The following SRFBP1 variants were observed in gnomAD, a reference collection of about 807,000 sequenced individuals.
SRFBP1 encodes the protein serum response factor-binding protein 1.
In SRFBP1, 47 loss-of-function variants were observed where a neutral mutation model predicts 45.5. That is an observed-to-expected ratio of 1.03 (90% CI 0.82 to 1.32). The LOEUF is 1.32. Ranked by LOEUF, SRFBP1 falls within the 40% of genes most tolerant of loss-of-function variation. SRFBP1 has a pLI of 0.00. For missense variants in SRFBP1, 621 were observed against 484.6 expected (o/e 1.28, Z -2.64); for synonymous variants, 203 against 166.3 (o/e 1.22, Z -1.70).
At position 122,020,482 on chromosome 5, in the gene SRFBP1, C is replaced by T. The variant is rs74336506; in HGVS notation, c.747C>T (p.Gly249=). The T allele has an allele frequency of 1.9e-4, 300 of 1,613,922 alleles. 4 individuals carry two copies. The East Asian group carries it at 4.5e-3, about 24-fold the overall frequency. The change falls in exon 6 of 8, where the codon GGC becomes GGT. Residue 249 remains glycine, a synonymous_variant. Coordinates refer to ENST00000339397, the MANE Select transcript of SRFBP1 (RefSeq NM_152546.3). Reference sequence around the variant, plus strand: ...GCTCACTCTCTGGTAACAGTGATGGCGGAGAAGAATTTTGTGAAGAGGAGA... The same window carrying T: ...GCTCACTCTCTGGTAACAGTGATGGTGGAGAAGAATTTTGTGAAGAGGAGA... ...SDSSLSGNSD[G]GEEFCEEEKE...
chr5:122,027,814 A>T lies in SRFBP1; in HGVS notation c.*688A>T, dbSNP rs138787980. On this transcript the variant is annotated 3_prime_UTR_variant, in exon 8 of 8. Coordinates refer to ENST00000339397, the MANE Select transcript of SRFBP1 (RefSeq NM_152546.3). ...TGATTCTAAAATAGTTGTCTAGGAC[A>T]ATTTTGGGATTCTTAATTATATTTT... The T allele has an allele frequency of 3.9e-4, 59 of 152,310 alleles. 1 individual carries two copies. In the East Asian group the frequency reaches 9.5e-3, roughly 24 times the overall value. 9.4% of individuals were successfully genotyped at this position (152,310 alleles called of 1,614,324 possible).
At chr5:122,052,804 T>C (rs561250379) in intron 2 of SRFBP1, among the ~76,000 whole-genome samples, 89 of 152,334 alleles carry the variant, frequency 5.8e-4, no homozygotes, top group African/African-American at 2.1e-3. Flanking sequence ...GTGCAGTCAT[T>C]TGGAGGAAAG....
intron 3 of SRFBP1, among the ~76,000 whole-genome samples, chr5:121,988,381 GA>G (rs1174759912): frequency 6.6e-6 from 1 of 152,150 alleles, no homozygotes; most frequent in Non-Finnish European, 1.5e-5. Flanking sequence ...CAGGACTCAT[GA>G]AAGGCTGTTA....
intron 3 of SRFBP1, among the ~76,000 whole-genome samples, chr5:121,981,198 C>T (rs142043879): frequency 6.6e-6 from 1 of 151,850 alleles, no homozygotes; most frequent in African/African-American, 2.4e-5. Flanking sequence ...GGCCTCAAGA[C>T]ACACTAAAAT....
chr5:122,041,400 CT>C (rs572324581), intron 2 of SRFBP1, among the ~76,000 whole-genome samples: 2 of 150,738 alleles, frequency 1.3e-5, no homozygotes, highest in South Asian at 2.1e-4. Flanking sequence ...CTGTGATATG[CT>C]TTTTTTTTAA....
chr5:122,075,657 T>TCA, downstream of SRFBP1: 1 of 664,624 alleles, frequency 1.5e-6, no homozygotes. Context: ...AACTAGACTA[T>TCA]CAGTTCCAAG....
intron 2 of SRFBP1, chr5:122,063,735 A>G (rs1392895635): frequency 6.6e-6 from 1 of 151,980 alleles, no homozygotes; most frequent in Non-Finnish European, 1.5e-5. Context: ...TCTCCTTACC[A>G]GGAATTCAGT....
At chr5:122,077,700 C>G, downstream of SRFBP1, 2 of 1,594,808 alleles carry the variant, frequency 1.3e-6, no homozygotes, top group Non-Finnish European at 1.7e-6. The surrounding 1 kb of genome is among the most constrained non-coding windows in gnomAD (Gnocchi z 4.9). Context: ...GTGCGGTTGT[C>G]GCGGATCAGC....
intron 2 of SRFBP1, among the ~76,000 whole-genome samples, chr5:122,045,547 A>G (rs554160732): frequency 6.6e-6 from 1 of 152,196 alleles, no homozygotes; most frequent in Admixed American, 6.5e-5. Context: ...ATGTTTTATA[A>G]TTCTCATTGT....
chr5:122,049,522 A>G (rs1253044515), intron 2 of SRFBP1, among the ~76,000 whole-genome samples: 1 of 151,836 alleles, frequency 6.6e-6, no homozygotes, highest in Admixed American at 6.6e-5. Context: ...TGCACTAAGC[A>G]GACCTAATAG....
intron 4 of SRFBP1, among the ~76,000 whole-genome samples, chr5:122,018,008 G>A (rs10478546): frequency 0.018 from 2,802 of 152,322 alleles, 62 homozygotes; most frequent in Middle Eastern, 0.054. Flanking sequence ...CTGCCATGCA[G>A]TGGTAAGTGA....
downstream of SRFBP1, chr5:122,077,987 A>T: frequency 1.4e-6 from 2 of 1,452,836 alleles, no homozygotes; most frequent in Non-Finnish European, 9.0e-7. The surrounding 1 kb of genome is among the most constrained non-coding windows in gnomAD (Gnocchi z 4.9). Context: ...GAAGCGCATC[A>T]CTCCTTTTGC....
intron 2 of SRFBP1, among the ~76,000 whole-genome samples, chr5:122,042,804 C>T (rs1253207080): frequency 6.6e-6 from 1 of 152,046 alleles, no homozygotes; most frequent in African/African-American, 2.4e-5. Flanking sequence ...GATTTTCCTT[C>T]TCTGCTATTT....
chr5:121,962,098 T>C (rs1202246658), intron 1 of SRFBP1, 30 bp downstream of exon 1: 3 of 1,613,596 alleles, frequency 1.9e-6, no homozygotes, highest in Non-Finnish European at 2.5e-6. Context: ...TGGGGCTGAC[T>C]TTAAGGGTCC....
At chr5:122,077,425 G>A (rs747936462), downstream of SRFBP1, 2 of 1,614,114 alleles carry the variant, frequency 1.2e-6, no homozygotes, top group South Asian at 1.1e-5. This position sits in a 1 kb window ranked among gnomAD's most constrained non-coding sequence, Gnocchi z 4.9. Context: ...CATAAGTATC[G>A]TAGTAGTTGT....
intron 2 of SRFBP1, among the ~76,000 whole-genome samples, chr5:122,046,441 T>A (rs1330095456): frequency 6.6e-6 from 1 of 152,236 alleles, no homozygotes. Flanking sequence ...TAATCCAGTC[T>A]ATCATTGTTG....
intron 4 of SRFBP1, among the ~76,000 whole-genome samples, chr5:121,995,443 A>G (rs1752703008): frequency 6.6e-6 from 1 of 152,212 alleles, no homozygotes. Flanking sequence ...GAAGGCAGAA[A>G]TAAAGATGTT....
chr5:122,008,364 C>T (rs1753019304), intron 4 of SRFBP1, among the ~76,000 whole-genome samples: 1 of 152,038 alleles, frequency 6.6e-6, no homozygotes, highest in South Asian at 2.1e-4. Flanking sequence ...GGTTACCAGC[C>T]TGGAGTCGGG....
chr5:122,031,510 A>C (rs1753587952), downstream of SRFBP1, among the ~76,000 whole-genome samples: 1 of 152,208 alleles, frequency 6.6e-6, no homozygotes, highest in Admixed American at 6.5e-5. Context: ...CTCACCAAAT[A>C]GAGAAAATCA....
Sources: allele counts gnomAD v4.1 joint callset (sites outside exome capture counted in the v4.1 genomes callset), GRCh38; gene constraint gnomAD v4.1.1; non-coding constraint Gnocchi (gnomAD v3.1); transcripts MANE v1.5; gene names NCBI Gene and HGNC (gene_info 2026-07-23, HGNC 2026-07-21).